GNAI1: variants seen among roughly 807,000 people sequenced by gnomAD.
The protein encoded by GNAI1 is G protein subunit alpha i1, also known as guanine nucleotide-binding protein G(i) subunit alpha-1.
A neutral mutation model predicts 38.9 loss-of-function variants in GNAI1; 11 were observed. The observed-to-expected ratio is 0.28, with a 90% CI of 0.18 to 0.47. The LOEUF (loss-of-function observed/expected upper bound fraction) is 0.47, where lower values mean the gene tolerates loss of function less well. Ranked by LOEUF, GNAI1 falls within the 20% of genes least tolerant of loss-of-function variation. The pLI is 0.99. For missense variants in GNAI1, 317 were observed against 436.9 expected (o/e 0.73, Z 2.45); for synonymous variants, 166 against 145.1 (o/e 1.14, Z -1.04).
In GNAI1 at chr7:80,221,806, C is replaced by A. The variant is rs750086251; in HGVS notation, c.*4313C>A. Among the ~76,000 whole-genome samples, 1 of 151,836 alleles carries A rather than the reference C, an allele frequency of 6.6e-6. No homozygotes were observed. Among genetic ancestry groups the A allele is most frequent in the Non-Finnish European group, 1.5e-5 (1 of 67,966 alleles). On this transcript the variant is annotated 3_prime_UTR_variant, in exon 8 of 8. Transcript: ENST00000649796. ...TACAGGCATGCGCCACTACACCCAG[C>A]TAATTTTTGTATTTTTAGTAAAGGG...
rs1789116395 is a variant in GNAI1, at chr7:80,223,695, G to A, written c.*6202G>A. Among the ~76,000 whole-genome samples, 1 of 152,132 alleles carries A rather than the reference G, an allele frequency of 6.6e-6. No individual in the cohort carries two copies. The highest frequency in any genetic ancestry group is 2.1e-4 in the South Asian group (1 of 4,818). On this transcript the variant is annotated 3_prime_UTR_variant, in exon 8 of 8. Transcript: ENST00000649796. ...GCAGCATTCAATTTTAGTATAACATGTTTTCCTGTTTACAAATATAAGTAA... is the reference window on the plus strand; with the variant it reads ...GCAGCATTCAATTTTAGTATAACATATTTTCCTGTTTACAAATATAAGTAA...
At chr7:80,215,709 CT>C (rs1166007583) in intron 7 of GNAI1, among the ~76,000 whole-genome samples, 1 of 152,074 alleles carries the variant, frequency 6.6e-6, no homozygotes, top group Non-Finnish European at 1.5e-5. Flanking sequence ...GAATTTAAGA[CT>C]CTATAAAGCA....
intron 1 of GNAI1, among the ~76,000 whole-genome samples, chr7:80,151,840 A>C (rs1787732627): frequency 6.6e-6 from 1 of 152,284 alleles, no homozygotes; most frequent in Admixed American, 6.5e-5. Flanking sequence ...TCGTGGCAAA[A>C]GAAACCAAGG....
chr7:80,165,506 C>T (rs1475025879), intron 1 of GNAI1, among the ~76,000 whole-genome samples: 1 of 152,042 alleles, frequency 6.6e-6, no homozygotes, highest in East Asian at 1.9e-4. Flanking sequence ...AATACAGATG[C>T]TTTATGTGGT....
At chr7:80,156,536 T>G (rs537072158) in intron 1 of GNAI1, among the ~76,000 whole-genome samples, 1 of 152,210 alleles carries the variant, frequency 6.6e-6, no homozygotes, top group South Asian at 2.1e-4. Context: ...CAAGTGATCT[T>G]CCTTGTCTTA....
intron 1 of GNAI1, among the ~76,000 whole-genome samples, chr7:80,166,841 A>C (rs1788017865): frequency 2.0e-5 from 3 of 152,206 alleles, no homozygotes; most frequent in South Asian, 4.1e-4. Flanking sequence ...GATTTGCTGC[A>C]GCTTCCCAAG....
Position 80,153,216 on chromosome 7 carries a change from CATAG to C in GNAI1, c.118+17943_118+17946del, listed in dbSNP as rs1787758968. On this transcript the variant is annotated intron_variant, in intron 1 of 7. Transcript: ENST00000649796. ...GTTAAATTAATCAAGCTTGTCATGTCATAGATAGTCTTCAAGAAGGATCAAAGGG... is the reference window on the plus strand; with the variant it reads ...GTTAAATTAATCAAGCTTGTCATGTCATAGTCTTCAAGAAGGATCAAAGGG... Among the ~76,000 whole-genome samples, 25 of 152,214 alleles carry C rather than the reference CATAG, an allele frequency of 1.6e-4. No homozygotes were observed. In the South Asian group the frequency reaches 5.0e-3, roughly 30 times the overall value.
In GNAI1 at chr7:80,223,289, T is replaced by C. The variant is rs945763196; in HGVS notation, c.*5796T>C. ...GTGCAAACACACTATCTGTGTATTC[T>C]CTATTTTACCAGGATTTTTTGTTTT... On this transcript the variant is annotated 3_prime_UTR_variant, in exon 8 of 8. Coordinates refer to ENST00000649796, the MANE Select transcript of GNAI1 (RefSeq NM_002069.6). 1.4e-4 allele frequency among the ~76,000 whole-genome samples: 22 copies of C among 152,234 alleles called. No homozygotes were observed. The highest frequency in any genetic ancestry group is 5.3e-4 in the African/African-American group (22 of 41,460).
intron 1 of GNAI1, among the ~76,000 whole-genome samples, chr7:80,168,772 C>T (rs1788055706): frequency 6.6e-6 from 1 of 152,214 alleles, no homozygotes; most frequent in African/African-American, 2.4e-5. Context: ...ACTTCTACAT[C>T]ATCCCAAATT....
At chr7:80,138,144 T>C (rs1003050899) in intron 1 of GNAI1, among the ~76,000 whole-genome samples, 4 of 151,990 alleles carry the variant, frequency 2.6e-5, no homozygotes, top group Non-Finnish European at 5.9e-5. Flanking sequence ...ATGATGTTTT[T>C]TAAATTTAAG....
At chr7:80,179,813 G>A (rs569635186) in intron 1 of GNAI1, among the ~76,000 whole-genome samples, 2 of 152,292 alleles carry the variant, frequency 1.3e-5, no homozygotes, top group African/African-American at 2.4e-5. Flanking sequence ...AGGTGCACAA[G>A]AAGTGGGTTA....
intron 7 of GNAI1, 113 bp downstream of exon 7, chr7:80,212,982 C>T (rs747012322): frequency 2.3e-5 from 16 of 700,082 alleles, no homozygotes; most frequent in Non-Finnish European, 3.3e-5. Flanking sequence ...GATTCTTAGA[C>T]CTTTAAGGGG....
At chr7:80,210,926 T>C (rs1039422531) in intron 5 of GNAI1, 43 bp from the exon 6 acceptor site, 1 of 1,584,374 alleles carries the variant, frequency 6.3e-7, no homozygotes, top group South Asian at 1.1e-5. Flanking sequence ...TCAGAGCTTT[T>C]TGAACATTTA....
intron 1 of GNAI1, among the ~76,000 whole-genome samples, chr7:80,178,225 G>A (rs1788225718): frequency 6.6e-6 from 1 of 152,178 alleles, no homozygotes; most frequent in Admixed American, 6.5e-5. Context: ...CAAAGAAAAT[G>A]GTTTCTTGAG....
At chr7:80,147,036 C>A (rs1346896429) in intron 1 of GNAI1, among the ~76,000 whole-genome samples, 1 of 152,094 alleles carries the variant, frequency 6.6e-6, no homozygotes. Context: ...TTAGGAATGA[C>A]CAAAAACTAT....
In GNAI1 at chr7:80,218,302, T is replaced by C. The variant is rs1350653757; in HGVS notation, c.*809T>C. 6.6e-6 allele frequency: 1 copy of C among 152,182 alleles called. No individual in the cohort carries two copies. The highest frequency in any genetic ancestry group is 6.5e-5 in the Admixed American group (1 of 15,268). The allele number at this position is 152,182 out of a possible 1,614,324, so 9.4% of individuals were successfully genotyped here. On this transcript the variant is annotated 3_prime_UTR_variant, in exon 8 of 8. Transcript: ENST00000649796. ...TACACACTTAGTTTTTATTCACTTG[T>C]TTTCACTCTGAATTTTAATATTTGG... is the stretch of plus-strand genomic sequence containing the variant.
intron 1 of GNAI1, among the ~76,000 whole-genome samples, chr7:80,148,761 G>A (rs566061415): frequency 6.6e-6 from 1 of 152,158 alleles, no homozygotes; most frequent in Admixed American, 6.5e-5. Context: ...GTTAGGATTA[G>A]CTATTTAGAT....
intron 1 of GNAI1, among the ~76,000 whole-genome samples, chr7:80,137,293 C>CTTTTTTTTTTTTCTTT (rs1787433036): frequency 1.0e-5 from 1 of 95,260 alleles, no homozygotes; most frequent in Non-Finnish European, 1.9e-5. Flanking sequence ...TTTCTTTTTT[C>CTTTTTTTTTTTTCTTT]TTTTTTTTTT....
At position 80,135,111 on chromosome 7, in the gene GNAI1, C is replaced by T. The variant is rs762505095; in HGVS notation, c.-50C>T. On this transcript the variant is annotated 5_prime_UTR_variant, in exon 1 of 8. Transcript: ENST00000649796. The stretch of plus-strand genomic sequence containing the variant: ...AGAAAGGATTCCCCTGTGCTTGGAG[C>T]CCGCACTCGGGCGCGGAGGGAGCGG... 7 of 1,273,278 alleles carry T rather than the reference C, an allele frequency of 5.5e-6. No homozygotes were observed. In the Admixed American group the frequency reaches 1.0e-4, roughly 18 times the overall value. The allele number at this position is 1,273,278 out of a possible 1,614,324, so 78.9% of individuals were successfully genotyped here.
Sources: allele counts gnomAD v4.1 joint callset (sites outside exome capture counted in the v4.1 genomes callset), GRCh38; gene constraint gnomAD v4.1.1; transcripts MANE v1.5; gene names NCBI Gene and HGNC (gene_info 2026-07-23, HGNC 2026-07-21).